The following PPARGC1A variants were observed in gnomAD, a reference collection of about 807,000 sequenced individuals.
The protein encoded by PPARGC1A is PPARG coactivator 1 alpha.
In PPARGC1A, 25 loss-of-function variants were observed where a neutral mutation model predicts 88.7. The observed-to-expected ratio is 0.28, with a 90% CI of 0.21 to 0.39. The LOEUF is 0.39. Among genes scored for constraint, PPARGC1A ranks in the 10% least tolerant of loss-of-function variants. PPARGC1A has a pLI of 1.00. For missense variants in PPARGC1A, 880 were observed against 968.7 expected, an observed-to-expected ratio of 0.91 and a Z score of 1.22; for synonymous variants, 363 against 355.6, an observed-to-expected ratio of 1.02 and a Z score of -0.24.
the PPARGC1A span, among the ~76,000 whole-genome samples, chr4:23,963,535 A>G: frequency 6.6e-6 from 1 of 152,132 alleles, no homozygotes; most frequent in Admixed American, 6.5e-5. Flanking sequence ...GCCCTTTGTA[A>G]TTATTAGTTA....
chr4:23,805,545 A>G (rs565942360), intron 10 of PPARGC1A, among the ~76,000 whole-genome samples: 3 of 152,318 alleles, frequency 2.0e-5, no homozygotes, highest in African/African-American at 7.2e-5. Context: ...CACCGAGCAC[A>G]TCCTGGCAGT....
chr4:24,302,965 G>C, the PPARGC1A span, among the ~76,000 whole-genome samples: 1 of 152,144 alleles, frequency 6.6e-6, no homozygotes, highest in African/African-American at 2.4e-5. Context: ...ACCAAAGAGA[G>C]ATCTCTCAGT....
At chr4:24,264,611 A>C in the PPARGC1A span, among the ~76,000 whole-genome samples, 1 of 152,268 alleles carries the variant, frequency 6.6e-6, no homozygotes, top group Non-Finnish European at 1.5e-5. Flanking sequence ...CATTGGCAAC[A>C]TGCGGAACCC....
chr4:24,204,988 A>C, the PPARGC1A span, among the ~76,000 whole-genome samples: 8 of 151,950 alleles, frequency 5.3e-5, no homozygotes, highest in Non-Finnish European at 1.0e-4. Flanking sequence ...CGCCCAGCTA[A>C]TTGTTCTTGT....
chr4:23,870,244 C>A (rs1713004775), intron 2 of PPARGC1A, among the ~76,000 whole-genome samples: 1 of 152,188 alleles, frequency 6.6e-6, no homozygotes, highest in Non-Finnish European at 1.5e-5. Flanking sequence ...AAGCACCAAA[C>A]TTTTTATTAA....
At chr4:24,194,850 A>G in the PPARGC1A span, among the ~76,000 whole-genome samples, 1 of 152,140 alleles carries the variant, frequency 6.6e-6, no homozygotes, top group African/African-American at 2.4e-5. Context: ...TTTACAACTA[A>G]ATATCAACCA....
the PPARGC1A span, among the ~76,000 whole-genome samples, chr4:24,090,499 A>G: frequency 1.3e-5 from 2 of 152,204 alleles, no homozygotes; most frequent in South Asian, 4.1e-4. Flanking sequence ...AATTTTTTTA[A>G]TTGACATTAA....
At chr4:24,252,361 T>G in the PPARGC1A span, among the ~76,000 whole-genome samples, 16 of 152,194 alleles carry the variant, frequency 1.1e-4, no homozygotes, top group East Asian at 2.9e-3. Flanking sequence ...TATGTATGGG[T>G]GTTTGATCCT....
the PPARGC1A span, among the ~76,000 whole-genome samples, chr4:24,095,016 T>A: frequency 2.9e-3 from 436 of 152,324 alleles, 4 homozygotes; most frequent in African/African-American, 0.01. Context: ...GGAGATTCTT[T>A]TTTTAAAGTA....
At chr4:24,180,958 G>T in the PPARGC1A span, among the ~76,000 whole-genome samples, 1 of 152,170 alleles carries the variant, frequency 6.6e-6, no homozygotes, top group Non-Finnish European at 1.5e-5. Context: ...CTCAAAACAT[G>T]ATCCCTCTGG....
chr4:24,119,978 C>T, the PPARGC1A span, among the ~76,000 whole-genome samples: 1 of 152,030 alleles, frequency 6.6e-6, no homozygotes, highest in Non-Finnish European at 1.5e-5. Context: ...CTCTACAAGG[C>T]CTGAGAACAA....
chr4:24,228,698 C>G, the PPARGC1A span, among the ~76,000 whole-genome samples: 11 of 152,104 alleles, frequency 7.2e-5, no homozygotes, highest in African/African-American at 2.7e-4. Context: ...AAAGGTAGGA[C>G]CCCTCAGAAG....
chr4:23,988,624 G>A, the PPARGC1A span, among the ~76,000 whole-genome samples: 1 of 87,974 alleles, frequency 1.1e-5, no homozygotes, highest in Non-Finnish European at 2.2e-5. Flanking sequence ...GTATGTTCAT[G>A]TGAAATTTAT....
intron 2 of PPARGC1A, among the ~76,000 whole-genome samples, chr4:23,868,115 G>T (rs1712442437): frequency 6.6e-6 from 1 of 152,072 alleles, no homozygotes; most frequent in South Asian, 2.1e-4. Context: ...TTCATTGAGT[G>T]GCAGAGCCCT....
At chr4:24,405,841 T>C in the PPARGC1A span, among the ~76,000 whole-genome samples, 2 of 152,150 alleles carry the variant, frequency 1.3e-5, no homozygotes, top group African/African-American at 4.8e-5. Flanking sequence ...CATGTTTTCT[T>C]CACTCTCCCC....
the PPARGC1A span, among the ~76,000 whole-genome samples, chr4:24,048,134 CT>C: frequency 1.3e-5 from 2 of 152,168 alleles, no homozygotes; most frequent in African/African-American, 4.8e-5. Flanking sequence ...GCTATCTATG[CT>C]ATATTACTTC....
the PPARGC1A span, among the ~76,000 whole-genome samples, chr4:24,367,841 A>G: frequency 2.0e-5 from 3 of 152,154 alleles, no homozygotes; most frequent in Non-Finnish European, 2.9e-5. Flanking sequence ...TTGTAACAAG[A>G]CAGTGTTACC....
chr4:23,970,333 C>T, the PPARGC1A span, among the ~76,000 whole-genome samples: 1 of 152,194 alleles, frequency 6.6e-6, no homozygotes, highest in African/African-American at 2.4e-5. Flanking sequence ...TGGGCTTTAC[C>T]ACTAGAGCTG....
chr4:24,069,202 A>T, the PPARGC1A span, among the ~76,000 whole-genome samples: 1 of 152,204 alleles, frequency 6.6e-6, no homozygotes, highest in African/African-American at 2.4e-5. Flanking sequence ...ATAGAATGGC[A>T]GTGCCTAGAG....
Sources: gnomAD v4.1 joint callset for allele counts (sites outside exome capture counted in the v4.1 genomes callset) on GRCh38, gnomAD v4.1.1 for gene constraint, MANE v1.5 for transcripts, NCBI Gene and HGNC (gene_info 2026-07-23, HGNC 2026-07-21) for gene names.